The following CA5A variants were observed in gnomAD, a reference collection of about 807,000 sequenced individuals.
The protein encoded by CA5A is carbonic anhydrase 5A, mitochondrial.
CA5A carries 28 observed loss-of-function variants against 37.1 expected under a neutral mutation model. The ratio of observed to expected loss-of-function variants is 0.75; its 90% CI spans 0.56 to 1.03. The LOEUF (loss-of-function observed/expected upper bound fraction) is 1.03, where lower values mean the gene tolerates loss of function less well. Ranked by LOEUF, CA5A falls within the 50% of genes least tolerant of loss-of-function variation. The probability of loss-of-function intolerance (pLI) is 0.00; values close to 1 mark genes in which losing one functional copy is unlikely to be tolerated. For synonymous variants in CA5A, 171 were observed against 158.4 expected (o/e 1.08, Z -0.60); for missense variants, 444 against 399.9 (o/e 1.11, Z -0.94).
rs780761914 is a variant in CA5A, at chr16:87,901,321, A to G, written c.618+591T>C. On this transcript the variant is annotated intron_variant, in intron 5 of 6. Transcript: ENST00000649794. ...CAAACGTCTTCAGGATCTCGCCTGCATGGCTGAATTTTGGGAACTTCTGTT... is the reference window on the plus strand; with the variant it reads ...CAAACGTCTTCAGGATCTCGCCTGCGTGGCTGAATTTTGGGAACTTCTGTT... Among the ~76,000 whole-genome samples, 60 of 152,358 alleles carry G rather than the reference A, an allele frequency of 3.9e-4. 1 individual carries two copies. Among genetic ancestry groups the G allele is most frequent in the Admixed American group, 8.5e-4 (13 of 15,304 alleles).
chr16:87,921,162 C>G (rs9674139), intron 2 of CA5A, among the ~76,000 whole-genome samples: 6 of 152,172 alleles, frequency 3.9e-5, no homozygotes, highest in Non-Finnish European at 8.8e-5. Flanking sequence ...CTCCTGACCT[C>G]AAGCAATCCA....
At position 87,911,380 on chromosome 16, in the gene CA5A, C is replaced by G. The variant is rs143699640; in HGVS notation, c.341-6476G>C. ...GTGCTGGCCCCAGAGAATATTGTCT[C>G]TGCTATTACAACAGATGCTGTTAAT... On this transcript the variant is annotated intron_variant, in intron 2 of 6. Transcript: ENST00000649794. This position sits in a 1 kb window ranked among gnomAD's most constrained non-coding sequence, Gnocchi z 4.6. 6.1e-3 allele frequency among the ~76,000 whole-genome samples: 930 copies of G among 152,322 alleles called. 15 individuals carry two copies. Among genetic ancestry groups the G allele is most frequent in the African/African-American group, 0.021 (870 of 41,562 alleles).
At chr16:87,928,577 A>T (rs192271651) in intron 1 of CA5A, among the ~76,000 whole-genome samples, 3 of 152,070 alleles carry the variant, frequency 2.0e-5, no homozygotes, top group Admixed American at 6.6e-5. Context: ...TTGTGAAAAA[A>T]ATATATATAT....
intron 6 of CA5A, among the ~76,000 whole-genome samples, chr16:87,889,904 A>G (rs2055689175): frequency 2.0e-5 from 3 of 152,284 alleles, no homozygotes; most frequent in South Asian, 2.1e-4. Context: ...TTATGTCTAC[A>G]TGCTGACAGC....
chr16:87,903,994 G>T (rs2055919867), intron 3 of CA5A, among the ~76,000 whole-genome samples: 1 of 152,094 alleles, frequency 6.6e-6, no homozygotes, highest in African/African-American at 2.4e-5. Context: ...ACATTGATAT[G>T]CACTGATTTT....
At chr16:87,922,589 G>A (rs1214042190) in intron 2 of CA5A, among the ~76,000 whole-genome samples, 5 of 152,216 alleles carry the variant, frequency 3.3e-5, no homozygotes, top group Admixed American at 2.6e-4. Context: ...CTTGCCCTGA[G>A]GGGTGAGGGA....
At chr16:87,927,751 C>T (rs1281756163) in intron 1 of CA5A, among the ~76,000 whole-genome samples, 2 of 151,532 alleles carry the variant, frequency 1.3e-5, no homozygotes, top group Middle Eastern at 3.4e-3. Context: ...ATCCCAGGTA[C>T]TCAGGAGGCT....
Position 87,926,822 on chromosome 16 carries a change from G to A in CA5A, c.266C>T (p.Ala89Val), listed in dbSNP as rs576253028. ...GTTCCAGATGTACAGGCAGGATGCC[G>A]CTTCATAGGAGACCCTGAGTGGCTT... ...QLKPLRVSYE[A>V]ASCLYIWNTG... Residue 89 changes from alanine (A) to valine (V), a missense_variant, in exon 2 of 7, where the codon GCG becomes GTG. Physicochemically the swap from Ala to Val is moderately conservative, Grantham distance 64. Transcript: ENST00000649794. 27 of 1,614,120 alleles carry A rather than the reference G, an allele frequency of 1.7e-5. No individual in the cohort carries two copies. Among genetic ancestry groups the A allele is most frequent in the African/African-American group, 2.7e-5 (2 of 75,064 alleles).
chr16:87,899,440 T>G (rs1439891133), intron 5 of CA5A, among the ~76,000 whole-genome samples: 1 of 150,512 alleles, frequency 6.6e-6, no homozygotes, highest in African/African-American at 2.4e-5. Context: ...GTAGCTGGGA[T>G]TACAGGCACC....
At chr16:87,918,967 G>A (rs2056193205) in intron 2 of CA5A, among the ~76,000 whole-genome samples, 1 of 142,682 alleles carries the variant, frequency 7.0e-6, no homozygotes, top group African/African-American at 2.8e-5. Flanking sequence ...GGGTTTTGGA[G>A]AAAATGACAA....
intron 2 of CA5A, among the ~76,000 whole-genome samples, chr16:87,921,868 TATTA>T (rs1385442960): frequency 5.2e-5 from 4 of 76,294 alleles, no homozygotes; most frequent in African/African-American, 2.2e-4. Context: ...TTGTTATTAT[TATTA>T]TTATTATTTT....
chr16:87,926,181 G>A (rs1332507809), intron 2 of CA5A, among the ~76,000 whole-genome samples: 1 of 152,088 alleles, frequency 6.6e-6, no homozygotes, highest in Non-Finnish European at 1.5e-5. Context: ...ATTGCGCCAT[G>A]GCACTCCATC....
At chr16:87,907,878 A>G (rs1170590585) in intron 2 of CA5A, among the ~76,000 whole-genome samples, 1 of 152,238 alleles carries the variant, frequency 6.6e-6, no homozygotes, top group African/African-American at 2.4e-5. Context: ...GTGAGCCGAG[A>G]TAGCGCCACT....
At chr16:87,933,022 A>T (rs771478421) in intron 1 of CA5A, among the ~76,000 whole-genome samples, 1 of 152,220 alleles carries the variant, frequency 6.6e-6, no homozygotes, top group Non-Finnish European at 1.5e-5. Context: ...GGTGGCTGCG[A>T]AGGGAGGATG....
intron 2 of CA5A, among the ~76,000 whole-genome samples, chr16:87,909,605 A>G (rs2056021468): frequency 6.6e-6 from 1 of 152,188 alleles, no homozygotes. Context: ...GAAGACACAG[A>G]GGCCTTTTTA....
intron 2 of CA5A, among the ~76,000 whole-genome samples, chr16:87,924,846 C>T (rs2056282263): frequency 6.6e-6 from 1 of 152,240 alleles, no homozygotes; most frequent in African/African-American, 2.4e-5. Flanking sequence ...GGCATGCTGG[C>T]AGCCATGTGG....
At chr16:87,929,919 T>C (rs1461343551) in intron 1 of CA5A, among the ~76,000 whole-genome samples, 3 of 145,666 alleles carry the variant, frequency 2.1e-5, no homozygotes, top group Non-Finnish European at 4.5e-5. Flanking sequence ...CAGAAGTCAG[T>C]AGAATGTACA....
chr16:87,926,305 T>G (rs537530805), intron 2 of CA5A, among the ~76,000 whole-genome samples: 2 of 152,316 alleles, frequency 1.3e-5, no homozygotes, highest in South Asian at 4.2e-4. Flanking sequence ...AGGCTCCCAA[T>G]GCCCCTGCCC....
At chr16:87,892,913 C>A (rs2143909277) in intron 5 of CA5A, 1 of 560,592 alleles carries the variant, frequency 1.8e-6, no homozygotes. Context: ...GCCTTGGCCT[C>A]CCAAAGTGCT....
Sources: gnomAD v4.1 joint callset for allele counts (sites outside exome capture counted in the v4.1 genomes callset) on GRCh38, gnomAD v4.1.1 for gene constraint, Gnocchi (gnomAD v3.1) non-coding constraint, MANE v1.5 for transcripts, NCBI Gene and HGNC (gene_info 2026-07-23, HGNC 2026-07-21) for gene names.